Variants in OR10G3 observed in about 807,000 individuals in gnomAD.
OR10G3 encodes olfactory receptor family 10 subfamily G member 3, also known as olfactory receptor 10G3.
Under a neutral mutation model 13.4 loss-of-function variants are expected in OR10G3, and 8 were observed. The observed-to-expected ratio is 0.60, with a 90% CI of 0.35 to 1.08. OR10G3 has a LOEUF of 1.08. Ranked by LOEUF, OR10G3 falls within the 50% of genes least tolerant of loss-of-function variation. The probability of loss-of-function intolerance (pLI) is 0.02; values close to 1 mark genes in which losing one functional copy is unlikely to be tolerated. For synonymous variants in OR10G3, 142 were observed against 156.1 expected, an observed-to-expected ratio of 0.91 and a Z score of 0.67; for missense variants, 393 against 386.6, an observed-to-expected ratio of 1.02 and a Z score of -0.14.
chr14:21,576,744 C>T (rs747515297), intron 1 of OR10G3, among the ~76,000 whole-genome samples: 7 of 152,058 alleles, frequency 4.6e-5, no homozygotes, highest in Non-Finnish European at 1.0e-4. Flanking sequence ...ATTTCTTTTG[C>T]AAAATTTTCC....
At chr14:21,572,865 C>A (rs1011070002) in intron 1 of OR10G3, among the ~76,000 whole-genome samples, 1 of 152,004 alleles carries the variant, frequency 6.6e-6, no homozygotes, top group Non-Finnish European at 1.5e-5. Flanking sequence ...TAATATGATG[C>A]CTGTGGCTTT....
In OR10G3 at chr14:21,570,439, G is replaced by C. The variant is rs1893054907; in HGVS notation, c.306C>G (p.Leu102=). 2 of 1,614,126 alleles carry C rather than the reference G, an allele frequency of 1.2e-6. No homozygotes were observed. Among genetic ancestry groups the C allele is most frequent in the African/African-American group, 2.7e-5 (2 of 75,040 alleles). The change falls in exon 2 of 2, where the codon CTC becomes CTG. Residue 102 remains leucine (L), a synonymous_variant. Transcript: ENST00000641040. The stretch of plus-strand genomic sequence containing the variant: ...TGCTGCCCAGGAAGTGATAGAAATA[G>C]AGTTGAGCAACACAGCCACCAAATG... ...PIPFGGCVAQ[L]YFYHFLGSTQ...
Position 21,579,965 on chromosome 14 carries a change from C to T in OR10G3, c.-197G>A, listed in dbSNP as rs942306013. Reference sequence around the variant, plus strand: ...AAAGTAAAGAGTCAAACTATGGAAACTTAATTTATTATTTGCCTGCTTATT... The same window carrying T: ...AAAGTAAAGAGTCAAACTATGGAAATTTAATTTATTATTTGCCTGCTTATT... On this transcript the variant is annotated 5_prime_UTR_variant, in exon 1 of 2. Coordinates refer to ENST00000641040, the MANE Select transcript of OR10G3 (RefSeq NM_001005465.2). 6.6e-6 allele frequency: 1 copy of T among 152,124 alleles called. No homozygotes were observed. Among genetic ancestry groups the T allele is most frequent in the African/African-American group, 2.4e-5 (1 of 41,418 alleles). The allele number at this position is 152,124 out of a possible 1,614,324, so 9.4% of individuals were successfully genotyped here. A position where few individuals can be genotyped will look rare whatever the true frequency, so the allele number is the denominator to read the frequency against.
chr14:21,572,019 C>G (rs577296507), intron 1 of OR10G3, among the ~76,000 whole-genome samples: 1 of 148,296 alleles, frequency 6.7e-6, no homozygotes, highest in Non-Finnish European at 1.5e-5. Flanking sequence ...CGGGTGGGCT[C>G]GGTGGCTTAT....
At chr14:21,577,682 T>C (rs773160162) in intron 1 of OR10G3, among the ~76,000 whole-genome samples, 21 of 152,320 alleles carry the variant, frequency 1.4e-4, no homozygotes, top group Admixed American at 3.3e-4. Flanking sequence ...ACTTCTTTCA[T>C]TGACAATCTA....
In OR10G3 at chr14:21,569,788, G is replaced by A. The variant is rs779817894; in HGVS notation, c.*15C>T. On this transcript the variant is annotated 3_prime_UTR_variant, in exon 2 of 2. Transcript: ENST00000641040. The stretch of plus-strand genomic sequence containing the variant: ...TTCTAATTGTGGCAGCTTCCCTAGT[G>A]GGAGAAAGACACTTTCAAACCTCAC... 82 of 1,598,268 alleles carry A rather than the reference G, an allele frequency of 5.1e-5. No individual in the cohort carries two copies. The highest frequency in any genetic ancestry group is 7.0e-5 in the Non-Finnish European group (82 of 1,169,736).
In OR10G3 at chr14:21,570,512, A is replaced by G. The variant is rs370362611; in HGVS notation, c.233T>C (p.Ile78Thr). 6 of 1,614,112 alleles carry G rather than the reference A, an allele frequency of 3.7e-6. No homozygotes were observed. In the African/African-American group the frequency reaches 5.3e-5, roughly 14 times the overall value. The change falls in exon 2 of 2, where the codon ATT becomes ACT. Residue 78 changes from isoleucine (I) to threonine (T), a missense_variant. Transcript: ENST00000641040. Reference sequence around the variant, plus strand: ...GAAGTTCATCATGAGGCGAGGGACAATGATGGAGGAGATGCTCATATCAAT... The same window carrying G: ...GAAGTTCATCATGAGGCGAGGGACAGTGATGGAGGAGATGCTCATATCAAT... ...SVIDMSISSI[I>T]VPRLMMNFTL...
chr14:21,571,798 C>G (rs139424087), intron 1 of OR10G3, among the ~76,000 whole-genome samples: 2 of 151,930 alleles, frequency 1.3e-5, no homozygotes, highest in African/African-American at 2.4e-5. Context: ...CCTCAGTGTC[C>G]GGGTAGCTGG....
chr14:21,575,415 C>G (rs1282687804), intron 1 of OR10G3, among the ~76,000 whole-genome samples: 1 of 149,138 alleles, frequency 6.7e-6, no homozygotes. Context: ...GAGTCTTGCT[C>G]TGTCACCCAG....
Position 21,570,003 on chromosome 14 carries a change from C to T in OR10G3, c.742G>A (p.Val248Met), listed in dbSNP as rs142649226. The T allele has an allele frequency of 2.3e-4, 377 of 1,614,070 alleles. 1 individual carries two copies. In the African/African-American group the frequency reaches 3.8e-3, roughly 16 times the overall value. Reference protein sequence around the residue: ...AFSTCGAHVTVVTVYYVPCAF... With the variant: ...AFSTCGAHVTMVTVYYVPCAF... ...CAGGGCACATAGTACACGGTGACCA[C>T]GGTTACATGGGCTCCACAAGTTGAA... Residue 248 changes from valine to methionine, a missense_variant, in exon 2 of 2, where the codon GTG (valine) becomes ATG (methionine). Physicochemically the swap from Val to Met is conservative, Grantham distance 21. Coordinates refer to ENST00000641040, the MANE Select transcript of OR10G3 (RefSeq NM_001005465.2).
At position 21,570,482 on chromosome 14, in the gene OR10G3, A is replaced by G; in HGVS notation, c.263T>C (p.Leu88Ser). 6.2e-7 allele frequency: 1 copy of G among 1,614,196 alleles called. No individual in the cohort carries two copies. The highest frequency in any genetic ancestry group is 8.5e-7 in the Non-Finnish European group (1 of 1,180,038). ...IVPRLMMNFTLGVKPIPFGGC... is the reference protein window; with the variant it reads ...IVPRLMMNFTSGVKPIPFGGC... ...ACCAAATGGGATGGGTTTGACACCT[A>G]AAGTGAAGTTCATCATGAGGCGAGG... Residue 88 changes from leucine to serine, a missense_variant, in exon 2 of 2, where the codon TTA (leucine) becomes TCA (serine). Transcript: ENST00000641040.
intron 1 of OR10G3, among the ~76,000 whole-genome samples, chr14:21,577,426 T>A (rs773948258): frequency 2.0e-5 from 3 of 152,220 alleles, no homozygotes; most frequent in Non-Finnish European, 4.4e-5. Context: ...CAGATTGTGT[T>A]GTTCCTAGTC....
Position 21,569,792 on chromosome 14 carries a change from G to C in OR10G3, c.*11C>G. The C allele has an allele frequency of 1.9e-6, 3 of 1,606,240 alleles. No homozygotes were observed. The highest frequency in any genetic ancestry group is 2.7e-5 in the African/African-American group (2 of 74,770). On this transcript the variant is annotated 3_prime_UTR_variant, in exon 2 of 2. Coordinates refer to ENST00000641040, the MANE Select transcript of OR10G3 (RefSeq NM_001005465.2). ...AATTGTGGCAGCTTCCCTAGTGGGA[G>C]AAAGACACTTTCAAACCTCACTCGG...
At chr14:21,575,529 C>T (rs772353199) in intron 1 of OR10G3, among the ~76,000 whole-genome samples, 5 of 151,632 alleles carry the variant, frequency 3.3e-5, no homozygotes, top group Non-Finnish European at 7.4e-5. Flanking sequence ...TACAGGCATG[C>T]GCCACCATGC....
chr14:21,569,383 C>G lies in OR10G3; in HGVS notation c.*420G>C, dbSNP rs113960466. The G allele has an allele frequency of 0.086, 14,112 of 164,984 alleles. 780 individuals carry two copies. The highest frequency in any genetic ancestry group is 0.2 in the South Asian group (1,298 of 6,610). The allele number at this position is 164,984 out of a possible 1,614,324, so 10.2% of individuals were successfully genotyped here. The stretch of plus-strand genomic sequence containing the variant: ...TTTTGGCAACACCCTCACAGGCACA[C>G]CCAGGATCAATACTTTGTATCCTTC... On this transcript the variant is annotated 3_prime_UTR_variant, in exon 2 of 2. Transcript: ENST00000641040.
In OR10G3 at chr14:21,571,009, G is replaced by C. The variant is rs535983215; in HGVS notation, c.-17-248C>G. On this transcript the variant is annotated intron_variant, in intron 1 of 1. Coordinates refer to ENST00000641040, the MANE Select transcript of OR10G3 (RefSeq NM_001005465.2). ...GGAGCTACTATGACAGAGATGAGTG[G>C]TTGCATTTAGCTTGCAAAACATAAA... Among the ~76,000 whole-genome samples, 4 of 152,300 alleles carry C rather than the reference G, an allele frequency of 2.6e-5. No individual in the cohort carries two copies. In the East Asian group the frequency reaches 7.7e-4, roughly 29 times the overall value.
chr14:21,572,376 A>C (rs1334096283), intron 1 of OR10G3, among the ~76,000 whole-genome samples: 1 of 144,718 alleles, frequency 6.9e-6, no homozygotes, highest in Non-Finnish European at 1.5e-5. Flanking sequence ...AGGCAGATGG[A>C]TCACAAGGTC....
At position 21,574,545 on chromosome 14, in the gene OR10G3, C is replaced by A. The variant is rs538766930; in HGVS notation, c.-17-3784G>T. On this transcript the variant is annotated intron_variant, in intron 1 of 1. Transcript: ENST00000641040. ...AAGTCATCGTAGACAGATGGTCCTG[C>A]TGCTGGCTGAGAGCAACAAATGTAA... is the stretch of plus-strand genomic sequence containing the variant. 5.9e-4 allele frequency among the ~76,000 whole-genome samples: 90 copies of A among 152,250 alleles called. 1 individual carries two copies. Among genetic ancestry groups the A allele is most frequent in the African/African-American group, 2.1e-3 (87 of 41,544 alleles).
In OR10G3 at chr14:21,570,377, C is replaced by T. The variant is rs745687033; in HGVS notation, c.368G>A (p.Arg123Lys). 2 of 1,614,154 alleles carry T rather than the reference C, an allele frequency of 1.2e-6. No homozygotes were observed. The highest frequency in any genetic ancestry group is 1.7e-6 in the Non-Finnish European group (2 of 1,180,030). The change falls in exon 2 of 2, where the codon AGG becomes AAG. Residue 123 changes from arginine (R) to lysine (K), a missense_variant. Physicochemically the swap from Arg to Lys is conservative, Grantham distance 26. Transcript: ENST00000641040. ...CFLYTLMAYD[R>K]YLAICQPLRY... ...CAGGGGCTGACATATTGCCAGGTAC[C>T]TGTCATAGGCCATTAGGGTGTAGAG...
Sources: gnomAD v4.1 joint callset for allele counts (sites outside exome capture counted in the v4.1 genomes callset) on GRCh38, gnomAD v4.1.1 for gene constraint, MANE v1.5 for transcripts, NCBI Gene and HGNC (gene_info 2026-07-23, HGNC 2026-07-21) for gene names.